CDKL5: variants seen among roughly 807,000 people sequenced by gnomAD.
CDKL5 encodes the protein cyclin-dependent kinase-like 5.
Under a neutral mutation model 61.7 loss-of-function variants are expected in CDKL5, and 8 were observed. The observed-to-expected ratio is 0.13, with a 90% CI of 0.08 to 0.23. The LOEUF is 0.23. Ranked by LOEUF, CDKL5 falls within the 10% of genes least tolerant of loss-of-function variation. The pLI is 1.00. For synonymous variants in CDKL5, 275 were observed against 272.3 expected, an observed-to-expected ratio of 1.01 and a Z score of -0.10; for missense variants, 440 against 734.5, an observed-to-expected ratio of 0.60 and a Z score of 4.63.
intron 3 of CDKL5, among the ~76,000 whole-genome samples, chrX:18,526,326 GTTTTTC>G (rs1923439479): frequency 1.8e-5 from 2 of 111,650 alleles, no homozygotes; most frequent in East Asian, 2.8e-4. Flanking sequence ...GTAGTTCCAG[GTTTTTC>G]TTTTTCTTTT....
At chrX:18,643,064 T>C (rs939653011), downstream of CDKL5, among the ~76,000 whole-genome samples, 3 of 110,568 alleles carry the variant, frequency 2.7e-5, no homozygotes, top group African/African-American at 9.9e-5. Flanking sequence ...CAAAAAGACA[T>C]AAAAACTCGA....
At chrX:18,461,165 TG>T (rs1203531843) in intron 1 of CDKL5, among the ~76,000 whole-genome samples, 5 of 112,537 alleles carry the variant, frequency 4.4e-5, no homozygotes, top group African/African-American at 1.3e-4. Flanking sequence ...AAACTATGAA[TG>T]TTTTTGTACC....
intron 5 of CDKL5, among the ~76,000 whole-genome samples, chrX:18,578,456 G>C (rs1158000053): frequency 9.0e-6 from 1 of 111,718 alleles, no homozygotes; most frequent in Non-Finnish European, 1.9e-5. Flanking sequence ...TTTTCTGACT[G>C]GTCTTATGGC....
chrX:18,558,980 G>A lies in CDKL5; in HGVS notation c.100-5497G>A, dbSNP rs144332564. Among the ~76,000 whole-genome samples the A allele has an allele frequency of 4.3e-3, 482 of 112,463 alleles. 2 individuals are homozygous for A. Among genetic ancestry groups the A allele is most frequent in the African/African-American group, 0.015 (467 of 30,984 alleles). On this transcript the variant is annotated intron_variant, in intron 3 of 17. Transcript: ENST00000623535. ...GGAAATGTGGTCTCCAGAATGCCAC[G>A]AGGTAAACAGCTAATGAATGGCATG...
intron 1 of CDKL5, among the ~76,000 whole-genome samples, chrX:18,451,802 A>G (rs893048429): frequency 2.4e-4 from 27 of 111,848 alleles, no homozygotes; most frequent in African/African-American, 7.8e-4. Flanking sequence ...GGCCTCCCAC[A>G]GTGCTGGGAT....
In CDKL5 at chrX:18,639,699, T is replaced by C. The variant is rs1305815119; in HGVS notation, c.*10942T>C. 8.9e-6 allele frequency among the ~76,000 whole-genome samples: 1 copy of C among 112,194 alleles called. No homozygotes were observed. The highest frequency in any genetic ancestry group is 3.2e-5 in the African/African-American group (1 of 30,815). The stretch of plus-strand genomic sequence containing the variant: ...ATCCGCACAAAAACTTATACACAAA[T>C]GTTCATAGCAGCATTATTCATAATA... On this transcript the variant is annotated 3_prime_UTR_variant, in exon 18 of 18. Coordinates refer to ENST00000623535, the MANE Select transcript of CDKL5 (RefSeq NM_001323289.2).
At chrX:18,586,175 T>A (rs1006742400) in intron 8 of CDKL5, among the ~76,000 whole-genome samples, 2 of 111,370 alleles carry the variant, frequency 1.8e-5, no homozygotes, top group African/African-American at 3.3e-5. Context: ...GTAGGCAGAG[T>A]TTAGAGTTTT....
At chrX:18,542,867 T>C (rs1369281356) in intron 3 of CDKL5, among the ~76,000 whole-genome samples, 1 of 110,898 alleles carries the variant, frequency 9.0e-6, no homozygotes, top group East Asian at 2.8e-4. Flanking sequence ...GTGAGGTGGA[T>C]GTTCAGCTCC....
chrX:18,458,641 C>T (rs1053690512), intron 1 of CDKL5, among the ~76,000 whole-genome samples: 5 of 109,898 alleles, frequency 4.5e-5, no homozygotes, highest in African/African-American at 9.9e-5. Context: ...CATTTGGGAA[C>T]GGGACATCGA....
At chrX:18,651,264 T>TGTGTGTGTGTGAGAGAGA (rs1491242962) in intron 21 of CDKL5, among the ~76,000 whole-genome samples, 12 of 69,010 alleles carry the variant, frequency 1.7e-4, no homozygotes, top group African/African-American at 6.3e-4. Flanking sequence ...TGTGTGTGTG[T>TGTGTGTGTGTGAGAGAGA]GAGAGAGAGA....
At chrX:18,470,886 C>T (rs776086881) in intron 1 of CDKL5, among the ~76,000 whole-genome samples, 2 of 112,181 alleles carry the variant, frequency 1.8e-5, no homozygotes, top group East Asian at 5.6e-4. Flanking sequence ...TTGGGTCTTG[C>T]TCTACTGTTG....
At chrX:18,616,813 C>T (rs939466234) in intron 15 of CDKL5, among the ~76,000 whole-genome samples, 1 of 111,277 alleles carries the variant, frequency 9.0e-6, no homozygotes, top group East Asian at 2.8e-4. Flanking sequence ...TAGCTAACCA[C>T]GCTTATCACA....
At chrX:18,434,421 T>A (rs1931567813) in intron 1 of CDKL5, among the ~76,000 whole-genome samples, 1 of 111,592 alleles carries the variant, frequency 9.0e-6, no homozygotes, top group African/African-American at 3.3e-5. Context: ...CACACGGCAC[T>A]GGTCTGATAT....
chrX:18,509,221 A>G (rs1271708113), intron 2 of CDKL5, among the ~76,000 whole-genome samples: 2 of 106,115 alleles, frequency 1.9e-5, no homozygotes, highest in African/African-American at 6.8e-5. Context: ...ACACACACAC[A>G]CACACACACA....
intron 12 of CDKL5, among the ~76,000 whole-genome samples, chrX:18,607,156 C>T (rs1343559062): frequency 1.8e-5 from 2 of 111,257 alleles, no homozygotes; most frequent in Admixed American, 9.6e-5. Context: ...TGGTGTCTTG[C>T]GGACATGTTG....
chrX:18,532,900 G>GA (rs1242201927), intron 3 of CDKL5, among the ~76,000 whole-genome samples: 1 of 111,208 alleles, frequency 9.0e-6, no homozygotes, highest in Non-Finnish European at 1.9e-5. Context: ...CGTACTGTGA[G>GA]AAACAGCCAT....
At chrX:18,621,451 CTT>C (rs1274733314) in intron 16 of CDKL5, among the ~76,000 whole-genome samples, 21 of 111,675 alleles carry the variant, frequency 1.9e-4, no homozygotes, top group Non-Finnish European at 3.8e-5. Flanking sequence ...CGTTTTAAAT[CTT>C]AATACCCTAC....
rs886214318 is a variant in CDKL5 at position 18,594,895 on chromosome X, A to G, written c.745-453A>G. On this transcript the variant is annotated intron_variant, in intron 9 of 17. Transcript: ENST00000623535. ...GTCGTAGTAATCCATATAAAAATACATAGACGGCCGGGTGTGGTGGCTCAC... is the reference window on the plus strand; with the variant it reads ...GTCGTAGTAATCCATATAAAAATACGTAGACGGCCGGGTGTGGTGGCTCAC... Among the ~76,000 whole-genome samples the G allele has an allele frequency of 5.3e-5, 6 of 112,590 alleles. No homozygotes were observed. In the Admixed American group the frequency reaches 5.6e-4, roughly 11 times the overall value.
rs181987256 is a variant in CDKL5 at position 18,623,916 on chromosome X, A to G, written c.2377-1212A>G. 246 of 741,591 alleles carry G rather than the reference A, an allele frequency of 3.3e-4. No individual in the cohort carries two copies. The highest frequency in any genetic ancestry group is 3.8e-4 in the Non-Finnish European group (242 of 629,653). 61.1% of individuals were successfully genotyped at this position (741,591 alleles called of 1,213,427 possible). On this transcript the variant is annotated intron_variant, in intron 16 of 17. Coordinates refer to ENST00000623535, the MANE Select transcript of CDKL5 (RefSeq NM_001323289.2). The stretch of plus-strand genomic sequence containing the variant: ...AACGGGGAGAATCCAAGCATCAAGA[A>G]ATCCCTCTTTCCTCTTTTTAATTCA...
Sources: gnomAD v4.1 joint callset for allele counts (sites outside exome capture counted in the v4.1 genomes callset) on GRCh38, gnomAD v4.1.1 for gene constraint, MANE v1.5 for transcripts, NCBI Gene and HGNC (gene_info 2026-07-23, HGNC 2026-07-21) for gene names.